The following ITSN1 variants were observed in gnomAD, a reference collection of about 807,000 sequenced individuals.
ITSN1 encodes the protein intersectin-1.
Under a neutral mutation model 239.8 loss-of-function variants are expected in ITSN1, and 58 were observed. The observed-to-expected ratio is 0.24, with a 90% CI of 0.20 to 0.30. The LOEUF is 0.30. Among genes scored for constraint, ITSN1 ranks in the 10% least tolerant of loss-of-function variants. ITSN1 has a pLI of 1.00. For missense variants in ITSN1, 1,558 were observed against 2,103.3 expected, an observed-to-expected ratio of 0.74 and a Z score of 5.07; for synonymous variants, 780 against 770.8, an observed-to-expected ratio of 1.01 and a Z score of -0.20.
chr21:33,766,267 T>G (rs574138043), intron 10 of ITSN1, among the ~76,000 whole-genome samples: 1 of 152,310 alleles, frequency 6.6e-6, no homozygotes, highest in Non-Finnish European at 1.5e-5. Flanking sequence ...ATGTCATCAA[T>G]GCTTACCAGA....
At chr21:33,862,032 G>A (rs571903425) in intron 31 of ITSN1, among the ~76,000 whole-genome samples, 142 of 146,410 alleles carry the variant, frequency 9.7e-4, no homozygotes, top group East Asian at 3.4e-3. Context: ...GCGTGGTGGC[G>A]CATGCCTGTA....
At chr21:33,716,505 G>C (rs964218834) in intron 1 of ITSN1, 1 of 152,094 alleles carries the variant, frequency 6.6e-6, no homozygotes, top group Non-Finnish European at 1.5e-5. Context: ...TAACAGCTTC[G>C]GTGAAGAAAC....
intron 16 of ITSN1, among the ~76,000 whole-genome samples, chr21:33,793,869 A>C (rs1205077735): frequency 6.6e-6 from 1 of 152,206 alleles, no homozygotes; most frequent in Non-Finnish European, 1.5e-5. Flanking sequence ...CATTTGTTCT[A>C]AGGCAGCTTA....
rs34923220 is a variant in ITSN1, at chr21:33,895,621, TTGTG to T, written c.*7328_*7331del. On this transcript the variant is annotated 3_prime_UTR_variant, in exon 40 of 40. Coordinates refer to ENST00000381318, the MANE Select transcript of ITSN1 (RefSeq NM_003024.3). ...CATGTGTTTGTGCGTGTGTGCGTAT[TTGTG>T]TGTGTGCGTGTGTGTGCGTGTGTAT... 39,400 of 141,320 alleles carry T rather than the reference TTGTG, an allele frequency of 0.28. 4,938 individuals are homozygous for T. Among genetic ancestry groups the T allele is most frequent in the Middle Eastern group, 0.33 (92 of 276 alleles). The allele number at this position is 141,320 out of a possible 1,614,324, so 8.8% of individuals were successfully genotyped here.
rs770084901 is a variant in ITSN1 at position 33,781,981 on chromosome 21, T to A, written c.1685-13T>A. The A allele has an allele frequency of 6.3e-7, 1 of 1,575,446 alleles. No individual in the cohort carries two copies. Among genetic ancestry groups the A allele is most frequent in the Non-Finnish European group, 8.6e-7 (1 of 1,166,716 alleles). ...AAAGTTTTTCTTATCTTTGCGACGT[T>A]TTTCTAAAATAGGAGATTCACTTGT... On this transcript the variant is annotated splice_polypyrimidine_tract_variant and intron_variant, in intron 15 of 39. Coordinates refer to ENST00000381318, the MANE Select transcript of ITSN1 (RefSeq NM_003024.3).
chr21:33,851,618 T>C (rs1308780709), intron 29 of ITSN1, among the ~76,000 whole-genome samples: 1 of 151,450 alleles, frequency 6.6e-6, no homozygotes, highest in Non-Finnish European at 1.5e-5. Context: ...AGGCTGGTCT[T>C]GAACTCCTGA....
At chr21:33,696,402 A>G (rs1234745012) in intron 1 of ITSN1, among the ~76,000 whole-genome samples, 2 of 152,202 alleles carry the variant, frequency 1.3e-5, no homozygotes, top group Non-Finnish European at 2.9e-5. Context: ...GTTGTATTGG[A>G]CAGGAAAATC....
chr21:33,793,498 A>G (rs1051396301), intron 16 of ITSN1, among the ~76,000 whole-genome samples: 4 of 152,216 alleles, frequency 2.6e-5, no homozygotes, highest in Non-Finnish European at 4.4e-5. Context: ...TTTGATTTCT[A>G]TGGAATCAGG....
chr21:33,736,884 C>A (rs1425822124), intron 5 of ITSN1, among the ~76,000 whole-genome samples: 4 of 152,108 alleles, frequency 2.6e-5, no homozygotes, highest in Admixed American at 2.0e-4. Flanking sequence ...ACTTGGGAAG[C>A]TGAGACAAGA....
intron 5 of ITSN1, among the ~76,000 whole-genome samples, chr21:33,744,087 A>G (rs139257844): frequency 6.6e-6 from 1 of 152,336 alleles, no homozygotes; most frequent in Non-Finnish European, 1.5e-5. Context: ...GACTGAAGGA[A>G]GGCTGAGGAG....
At chr21:33,763,565 G>T (rs2068517527) in intron 9 of ITSN1, among the ~76,000 whole-genome samples, 1 of 152,170 alleles carries the variant, frequency 6.6e-6, no homozygotes, top group South Asian at 2.1e-4. Flanking sequence ...GACTTTGATA[G>T]ATGTGCCTTG....
chr21:33,781,673 C>T (rs541321998), intron 15 of ITSN1, 125 bp downstream of exon 15: 58 of 601,132 alleles, frequency 9.6e-5, no homozygotes, highest in African/African-American at 8.5e-4. Flanking sequence ...CTCCGCCTCC[C>T]GGGTTCAAGA....
intron 1 of ITSN1, among the ~76,000 whole-genome samples, chr21:33,686,956 A>G (rs1317961147): frequency 2.0e-5 from 3 of 152,132 alleles, no homozygotes; most frequent in African/African-American, 7.2e-5. Flanking sequence ...GGATATTTCA[A>G]CACAATTTGG....
At chr21:33,687,342 G>A (rs1347093383) in intron 1 of ITSN1, among the ~76,000 whole-genome samples, 1 of 144,344 alleles carries the variant, frequency 6.9e-6, no homozygotes, top group African/African-American at 2.6e-5. Flanking sequence ...AGGTTGCAGT[G>A]AGCCAAGATC....
chr21:33,877,810 T>C (rs189522972), intron 34 of ITSN1, among the ~76,000 whole-genome samples: 123 of 151,078 alleles, frequency 8.1e-4, no homozygotes, highest in African/African-American at 2.9e-3. Flanking sequence ...GCAAATTTCT[T>C]ACTTTGTTTC....
intron 27 of ITSN1, among the ~76,000 whole-genome samples, chr21:33,830,594 G>A (rs1602495718): frequency 1.3e-5 from 2 of 152,108 alleles, no homozygotes; most frequent in South Asian, 2.1e-4. Context: ...TGTCGAAAGG[G>A]GGCTAAAGAG....
At chr21:33,799,715 A>G (rs1007461911) in intron 18 of ITSN1, 93 bp from the exon 19 acceptor site, 41 of 1,359,076 alleles carry the variant, frequency 3.0e-5, no homozygotes, top group South Asian at 1.9e-4. Context: ...AAGATAGGCA[A>G]TAGAGGAGAG....
chr21:33,664,797 G>A (rs759084251), intron 1 of ITSN1, among the ~76,000 whole-genome samples: 1 of 152,088 alleles, frequency 6.6e-6, no homozygotes, highest in Admixed American at 6.5e-5. Context: ...TTTAAGATAC[G>A]AATGAAGTTA....
At chr21:33,843,334 G>A (rs1373737301) in intron 29 of ITSN1, among the ~76,000 whole-genome samples, 1 of 152,146 alleles carries the variant, frequency 6.6e-6, no homozygotes, top group Non-Finnish European at 1.5e-5. Context: ...CCTCACTGGT[G>A]GGGTTACCAT....
Sources: allele counts gnomAD v4.1 joint callset (sites outside exome capture counted in the v4.1 genomes callset), GRCh38; gene constraint gnomAD v4.1.1; transcripts MANE v1.5; gene names NCBI Gene and HGNC (gene_info 2026-07-23, HGNC 2026-07-21).